The following ARNT2 variants were observed in gnomAD, a reference collection of about 807,000 sequenced individuals.
ARNT2 encodes the protein aryl hydrocarbon receptor nuclear translocator 2.
In ARNT2, 36 loss-of-function variants were observed where a neutral mutation model predicts 91.7. That is an observed-to-expected ratio of 0.39 (90% CI 0.30 to 0.52). ARNT2 has a LOEUF of 0.52. ARNT2 is among the 20% of genes least tolerant of loss of function. ARNT2 has a pLI of 0.72. For missense variants in ARNT2, 775 were observed against 939.3 expected (o/e 0.83, Z 2.29); for synonymous variants, 365 against 347.1 (o/e 1.05, Z -0.57).
intron 8 of ARNT2, among the ~76,000 whole-genome samples, chr15:80,533,427 A>G (rs4238522): frequency 0.39 from 59,479 of 151,894 alleles, 12,328 homozygotes; most frequent in African/African-American, 0.5. Context: ...GGAACGGTCA[A>G]CACAAGCCAG....
At chr15:80,584,913 G>A (rs1474390701) in intron 17 of ARNT2, among the ~76,000 whole-genome samples, 1 of 152,252 alleles carries the variant, frequency 6.6e-6, no homozygotes, top group Non-Finnish European at 1.5e-5. Flanking sequence ...TCACCCAGTG[G>A]TGGACCAGGG....
At chr15:80,572,363 A>T (rs1898599225) in intron 12 of ARNT2, among the ~76,000 whole-genome samples, 2 of 152,014 alleles carry the variant, frequency 1.3e-5, no homozygotes. Context: ...CAGTTTGTTT[A>T]CAGTTTTGTT....
intron 1 of ARNT2, among the ~76,000 whole-genome samples, chr15:80,429,949 C>T (rs566066625): frequency 6.4e-4 from 98 of 152,280 alleles, no homozygotes; most frequent in African/African-American, 2.2e-3. Context: ...TTCCTCCATT[C>T]TTCTCTCCTT....
chr15:80,471,487 T>G lies in ARNT2; in HGVS notation c.408+1056T>G, dbSNP rs1896730600. On this transcript the variant is annotated intron_variant, in intron 4 of 18. Transcript: ENST00000303329. ...TATAACAAATTTTCGTGACATGAGT[T>G]TACTCCCTTGGCAGTACGTAACAAA... 5.3e-5 allele frequency among the ~76,000 whole-genome samples: 8 copies of G among 152,214 alleles called. 1 individual carries two copies. In the South Asian group the frequency reaches 1.7e-3, roughly 32 times the overall value.
At position 80,552,718 on chromosome 15, in the gene ARNT2, G is replaced by A; in HGVS notation, c.1033G>A (p.Gly345Arg). ...TEFLSRHNSD[G>R]IITFVDPRCI... is the part of the protein sequence containing the mutation. Reference sequence around the variant, plus strand: ...GTTCTTATCCCGGCATAACTCCGATGGAATCATCACATTTGTGGATCCAAG... The same window carrying A: ...GTTCTTATCCCGGCATAACTCCGATAGAATCATCACATTTGTGGATCCAAG... Residue 345 changes from glycine (G) to arginine (R), a missense_variant, in exon 10 of 19, where the codon GGA becomes AGA. Gly to Arg is a moderately radical substitution (Grantham distance 125). Coordinates refer to ENST00000303329, the MANE Select transcript of ARNT2 (RefSeq NM_014862.4). 4 of 1,614,098 alleles carry A rather than the reference G, an allele frequency of 2.5e-6. No homozygotes were observed. The highest frequency in any genetic ancestry group is 3.4e-6 in the Non-Finnish European group (4 of 1,179,992).
chr15:80,503,057 C>T (rs1413871004), intron 5 of ARNT2, among the ~76,000 whole-genome samples: 1 of 152,166 alleles, frequency 6.6e-6, no homozygotes, highest in African/African-American at 2.4e-5. Flanking sequence ...TGGGAGTCAG[C>T]CCGAGGAATC....
intron 8 of ARNT2, among the ~76,000 whole-genome samples, chr15:80,533,989 T>C (rs1897782102): frequency 6.6e-6 from 1 of 152,260 alleles, no homozygotes; most frequent in Non-Finnish European, 1.5e-5. Flanking sequence ...GAAATGAAGC[T>C]CTGTCTTCTA....
chr15:80,502,263 C>T (rs1370744488), intron 5 of ARNT2, among the ~76,000 whole-genome samples: 1 of 152,166 alleles, frequency 6.6e-6, no homozygotes, highest in Non-Finnish European at 1.5e-5. Context: ...TATAGATGCC[C>T]GCAAGTTCCC....
At chr15:80,551,023 A>C (rs1898071463) in intron 8 of ARNT2, 176 bp from the exon 9 acceptor site, 1 of 600,260 alleles carries the variant, frequency 1.7e-6, no homozygotes, top group Admixed American at 2.8e-5. Context: ...AAAAGACATC[A>C]GGCAGAGAGA....
intron 8 of ARNT2, among the ~76,000 whole-genome samples, chr15:80,521,218 A>G (rs1179358397): frequency 6.6e-6 from 1 of 152,206 alleles, no homozygotes; most frequent in Non-Finnish European, 1.5e-5. Context: ...TTATTTTCAC[A>G]TTGAAAATCA....
At chr15:80,529,532 C>T (rs1184184865) in intron 8 of ARNT2, among the ~76,000 whole-genome samples, 12 of 149,856 alleles carry the variant, frequency 8.0e-5, no homozygotes, top group Non-Finnish European at 1.8e-4. Flanking sequence ...TCATTATGAC[C>T]TTTCTAGGTT....
At chr15:80,512,195 C>T (rs1307513479) in intron 6 of ARNT2, among the ~76,000 whole-genome samples, 1 of 152,198 alleles carries the variant, frequency 6.6e-6, no homozygotes, top group Non-Finnish European at 1.5e-5. Context: ...GTTGGTCTCC[C>T]TCAGATCACC....
intron 12 of ARNT2, among the ~76,000 whole-genome samples, chr15:80,571,463 CCA>C (rs1272856624): frequency 6.6e-6 from 1 of 152,192 alleles, no homozygotes; most frequent in African/African-American, 2.4e-5. Context: ...TGTGTTTCTA[CCA>C]CACACAGTTG....
chr15:80,480,817 C>T (rs1179672167), intron 5 of ARNT2, among the ~76,000 whole-genome samples: 1 of 152,130 alleles, frequency 6.6e-6, no homozygotes, highest in African/African-American at 2.4e-5. Flanking sequence ...TCTCTCCCCT[C>T]CTTCCTCCTT....
At chr15:80,534,791 C>G (rs1435518318) in intron 8 of ARNT2, among the ~76,000 whole-genome samples, 1 of 152,184 alleles carries the variant, frequency 6.6e-6, no homozygotes, top group African/African-American at 2.4e-5. Context: ...TCCATGAATA[C>G]TGGTATTTCT....
At chr15:80,425,375 A>G (rs747132590) in intron 1 of ARNT2, among the ~76,000 whole-genome samples, 3 of 152,216 alleles carry the variant, frequency 2.0e-5, no homozygotes, top group Non-Finnish European at 4.4e-5. Context: ...TAATGAAACT[A>G]GTGGCTATCC....
At position 80,451,001 on chromosome 15, in the gene ARNT2, G is replaced by A. The variant is rs1455184133; in HGVS notation, c.146+7G>A. On this transcript the variant is annotated splice_region_variant and intron_variant, in intron 2 of 18. Transcript: ENST00000303329. ...GAGGAAAGCGGCGTTCCGGGTAAGC[G>A]ACCTCAGCGTTTCCAGGAATTGGCT... is the stretch of plus-strand genomic sequence containing the variant. 4 of 1,611,292 alleles carry A rather than the reference G, an allele frequency of 2.5e-6. No individual in the cohort carries two copies. Among genetic ancestry groups the A allele is most frequent in the South Asian group, 1.1e-5 (1 of 91,020 alleles).
At chr15:80,513,179 T>A (rs1017949628) in intron 6 of ARNT2, among the ~76,000 whole-genome samples, 1 of 152,182 alleles carries the variant, frequency 6.6e-6, no homozygotes, top group Non-Finnish European at 1.5e-5. Flanking sequence ...CAAGCAGCAG[T>A]CAGAGCCTGG....
chr15:80,432,584 T>C (rs960180972), intron 1 of ARNT2, among the ~76,000 whole-genome samples: 1 of 152,178 alleles, frequency 6.6e-6, no homozygotes, highest in African/African-American at 2.4e-5. Flanking sequence ...AGAGACCTTA[T>C]GGCCTTCAAA....
Sources: allele counts gnomAD v4.1 joint callset (sites outside exome capture counted in the v4.1 genomes callset), GRCh38; gene constraint gnomAD v4.1.1; transcripts MANE v1.5; gene names NCBI Gene and HGNC (gene_info 2026-07-23, HGNC 2026-07-21).